Variants in ERAP1 observed in about 807,000 individuals in gnomAD.
The protein encoded by ERAP1 is endoplasmic reticulum aminopeptidase 1.
In ERAP1, 86 loss-of-function variants were observed where a neutral mutation model predicts 103.7. The observed-to-expected ratio is 0.83, with a 90% CI of 0.70 to 0.99. ERAP1 has a LOEUF of 0.99. Among genes scored for constraint, ERAP1 ranks in the 50% least tolerant of loss-of-function variants. The pLI, the probability that ERAP1 is intolerant of heterozygous loss-of-function variation, is 0.00. For missense variants in ERAP1, 1,009 were observed against 1,128.4 expected (o/e 0.89, Z 1.52); for synonymous variants, 398 against 402.4 (o/e 0.99, Z 0.13).
At position 96,784,051 on chromosome 5, in the gene ERAP1, A is replaced by C. The variant is rs2150919562; in HGVS notation, c.1973T>G (p.Leu658Trp). ...SIGKLSIEKA[L>W]DLSLYLKHET... ...ATGTTTCAAGTACAGGGATAAATCC[A>C]AGGCCTTTTCAATGGACAGCTTCCC... The change falls in exon 14 of 19, where the codon TTG becomes TGG. Residue 658 changes from leucine to tryptophan, a missense_variant. Leu to Trp is a moderately conservative substitution (Grantham distance 61, BLOSUM62 -2). This residue lies in a region of ERAP1 where 611 missense variants were observed against 651.7 expected (regional missense o/e 0.94). Transcript: ENST00000443439. The C allele has an allele frequency of 6.2e-7, 1 of 1,614,160 alleles. No individual in the cohort carries two copies. The highest frequency in any genetic ancestry group is 8.5e-7 in the Non-Finnish European group (1 of 1,180,008).
At chr5:96,913,748 T>A in the ERAP1 span, among the ~76,000 whole-genome samples, 2 of 152,122 alleles carry the variant, frequency 1.3e-5, no homozygotes, top group Non-Finnish European at 2.9e-5. Context: ...CCTCCCACCA[T>A]CCCTTCTTGG....
Position 96,803,617 on chromosome 5 carries a change from T to C in ERAP1, c.310A>G (p.Arg104Gly). Residue 104 changes from arginine to glycine, a missense_variant, in exon 2 of 19, where the codon AGG becomes GGG. Physicochemically the swap from Arg to Gly is moderately radical, Grantham distance 125. This residue lies in a region of ERAP1 where 392 missense variants were observed against 455.2 expected (regional missense o/e 0.86). Transcript: ENST00000443439. The stretch of plus-strand genomic sequence containing the variant: ...CCAGCTCCCTTCCTGAGGGTGGCCC[T>C]AGATATCTGCAGGTGGTGACTATGC... The part of the protein sequence containing the change: ...ILHSHHLQIS[R>G]ATLRKGAGER... 6.2e-7 allele frequency: 1 copy of C among 1,614,196 alleles called. No homozygotes were observed. The highest frequency in any genetic ancestry group is 8.5e-7 in the Non-Finnish European group (1 of 1,180,038).
the ERAP1 span, among the ~76,000 whole-genome samples, chr5:96,861,230 G>A: frequency 6.6e-6 from 1 of 152,168 alleles, no homozygotes; most frequent in African/African-American, 2.4e-5. Context: ...ACTTGCTGTG[G>A]CTTCCAGAAG....
chr5:96,901,921 T>C, the ERAP1 span, among the ~76,000 whole-genome samples: 2 of 152,196 alleles, frequency 1.3e-5, no homozygotes, highest in African/African-American at 4.8e-5. Flanking sequence ...TTTAGTTATT[T>C]GAATCAGCAT....
chr5:96,774,885 G>A lies in ERAP1; in HGVS notation c.*1511C>T. ...TCCAGAAGTCACTCTATTTTGTCGT[G>A]TATTAGGGGAACACATTTTGACATT... On this transcript the variant is annotated 3_prime_UTR_variant, in exon 19 of 19. Coordinates refer to ENST00000443439, the MANE Select transcript of ERAP1 (RefSeq NM_001040458.3). 1 of 985,100 alleles carries A rather than the reference G, an allele frequency of 1.0e-6. No individual in the cohort carries two copies. Among genetic ancestry groups the A allele is most frequent in the Non-Finnish European group, 1.2e-6 (1 of 829,696 alleles). 61.0% of individuals were successfully genotyped at this position (985,100 alleles called of 1,614,324 possible).
chr5:96,783,921 T>A lies in ERAP1; in HGVS notation c.2100+3A>T, dbSNP rs776344185. 6 of 1,610,564 alleles carry A rather than the reference T, an allele frequency of 3.7e-6. No homozygotes were observed. In the Admixed American group the frequency reaches 1.0e-4, roughly 27 times the overall value. ...TTACATAACTTTTATTTCAGGCTTTTACCTTGAATTGAGTTTCCACTTCAT... is the reference window on the plus strand; with the variant it reads ...TTACATAACTTTTATTTCAGGCTTTAACCTTGAATTGAGTTTCCACTTCAT... On this transcript the variant is annotated splice_donor_region_variant and intron_variant, in intron 14 of 18. Coordinates refer to ENST00000443439, the MANE Select transcript of ERAP1 (RefSeq NM_001040458.3).
chr5:96,785,998 T>A (rs1465164759), intron 12 of ERAP1, 27 bp from the exon 13 acceptor site: 1 of 1,608,244 alleles, frequency 6.2e-7, no homozygotes, highest in Non-Finnish European at 8.5e-7. Context: ...AAATCAAAGT[T>A]CCATTTGCTC....
the ERAP1 span, chr5:96,881,559 T>C: frequency 6.6e-6 from 3 of 451,186 alleles, no homozygotes; most frequent in African/African-American, 2.0e-5. Flanking sequence ...CTAAATTCCA[T>C]GGCTTAACCA....
chr5:96,815,411 T>TG, the ERAP1 span, among the ~76,000 whole-genome samples: 21 of 103,014 alleles, frequency 2.0e-4, 1 homozygote, highest in East Asian at 1.7e-3. Context: ...TGTTTTGTTT[T>TG]TTATTTTTTT....
At chr5:96,793,141 T>C (rs1389436112) in intron 7 of ERAP1, among the ~76,000 whole-genome samples, 1 of 152,174 alleles carries the variant, frequency 6.6e-6, no homozygotes, top group Non-Finnish European at 1.5e-5. Context: ...TTATTTCTAT[T>C]TCTTTGATAT....
chr5:96,815,050 G>T, the ERAP1 span, among the ~76,000 whole-genome samples: 1 of 152,310 alleles, frequency 6.6e-6, no homozygotes, highest in East Asian at 1.9e-4. Flanking sequence ...AGAATCTTTG[G>T]CTGATTTTTA....
the ERAP1 span, chr5:96,879,446 C>T: frequency 2.1e-5 from 9 of 432,738 alleles, no homozygotes; most frequent in African/African-American, 1.6e-4. Context: ...GATACTTGGC[C>T]TAATTCTGAC....
At chr5:96,804,156 A>G (rs577972362) in intron 1 of ERAP1, among the ~76,000 whole-genome samples, 1 of 152,370 alleles carries the variant, frequency 6.6e-6, no homozygotes, top group Admixed American at 6.5e-5. Context: ...AACACGTACT[A>G]GAAAGCATCA....
the ERAP1 span, among the ~76,000 whole-genome samples, chr5:96,852,869 A>T: frequency 1.3e-5 from 2 of 152,188 alleles, no homozygotes; most frequent in Admixed American, 6.5e-5. Context: ...TTACTTCTGC[A>T]CATGCTACAG....
the ERAP1 span, among the ~76,000 whole-genome samples, chr5:96,921,751 C>T: frequency 6.6e-6 from 1 of 152,220 alleles, no homozygotes; most frequent in Admixed American, 6.5e-5. Flanking sequence ...TGATTTCCCA[C>T]ACTTCAAAAT....
chr5:96,843,648 C>T, the ERAP1 span, among the ~76,000 whole-genome samples: 2 of 152,136 alleles, frequency 1.3e-5, no homozygotes, highest in Non-Finnish European at 2.9e-5. Flanking sequence ...TGTTTCCCTG[C>T]CTCATTAACA....
chr5:96,783,024 C>T, intron 15 of ERAP1, 27 bp downstream of exon 15: 4 of 1,612,590 alleles, frequency 2.5e-6, no homozygotes, highest in Non-Finnish European at 2.5e-6. Flanking sequence ...TTCACATCAA[C>T]AAATTGGTTA....
At chr5:96,879,101 C>A in the ERAP1 span, among the ~76,000 whole-genome samples, 6 of 152,208 alleles carry the variant, frequency 3.9e-5, no homozygotes, top group South Asian at 1.2e-3. Context: ...TGTCTGTAGT[C>A]CCAGCTACTC....
At chr5:96,821,384 C>T in the ERAP1 span, among the ~76,000 whole-genome samples, 1 of 152,314 alleles carries the variant, frequency 6.6e-6, no homozygotes, top group South Asian at 2.1e-4. Context: ...TCAACAGACT[C>T]CAAAAGAAAC....
Sources: gnomAD v4.1 joint callset for allele counts (sites outside exome capture counted in the v4.1 genomes callset) on GRCh38, gnomAD v4.1.1 for gene constraint, gnomAD v4.1.1 regional missense constraint, MANE v1.5 for transcripts, NCBI Gene and HGNC (gene_info 2026-07-23, HGNC 2026-07-21) for gene names.